PPM1B: variants seen among roughly 807,000 people sequenced by gnomAD.
PPM1B encodes the protein protein phosphatase, Mg2+/Mn2+ dependent 1B, also known as protein phosphatase 1B.
Under a neutral mutation model 43.0 loss-of-function variants are expected in PPM1B, and 22 were observed. The ratio of observed to expected loss-of-function variants is 0.51; its 90% CI spans 0.37 to 0.73. The LOEUF (loss-of-function observed/expected upper bound fraction) is 0.73, where lower values mean the gene tolerates loss of function less well. Among genes scored for constraint, PPM1B ranks in the 30% least tolerant of loss-of-function variants. PPM1B has a pLI of 0.00. For synonymous variants in PPM1B, 217 were observed against 197.9 expected, an observed-to-expected ratio of 1.10 and a Z score of -0.81; for missense variants, 632 against 584.2, an observed-to-expected ratio of 1.08 and a Z score of -0.84.
chr2:44,206,872 A>C (rs761436564), intron 2 of PPM1B, among the ~76,000 whole-genome samples: 1 of 152,144 alleles, frequency 6.6e-6, no homozygotes, highest in South Asian at 2.1e-4. Flanking sequence ...TGATTCTTGA[A>C]TATCCATGGT....
At chr2:44,231,707 A>T (rs992089674), downstream of PPM1B, among the ~76,000 whole-genome samples, 4 of 152,096 alleles carry the variant, frequency 2.6e-5, no homozygotes, top group African/African-American at 9.7e-5. Context: ...TTTGGACATT[A>T]TGGGCACACA....
At chr2:44,179,503 A>G (rs539603710) in intron 1 of PPM1B, among the ~76,000 whole-genome samples, 1 of 151,746 alleles carries the variant, frequency 6.6e-6, no homozygotes, top group African/African-American at 2.4e-5. Context: ...TCTTTTTTTT[A>G]ATCTAAGGAG....
At chr2:44,235,925 T>A (rs939910236), downstream of PPM1B, among the ~76,000 whole-genome samples, 1 of 151,746 alleles carries the variant, frequency 6.6e-6, no homozygotes, top group African/African-American at 2.4e-5. Context: ...TCTTTTATAT[T>A]AAAAAAAACT....
chr2:44,230,876 T>A lies in PPM1B; in HGVS notation c.*158T>A, dbSNP rs895887016. The A allele has an allele frequency of 2.2e-6, 3 of 1,381,082 alleles. No individual in the cohort carries two copies. The highest frequency in any genetic ancestry group is 5.4e-4 in the Middle Eastern group (2 of 3,728). 85.6% of individuals were successfully genotyped at this position (1,381,082 alleles called of 1,614,324 possible). On this transcript the variant is annotated 3_prime_UTR_variant, in exon 6 of 6. Transcript: ENST00000282412. ...TTTTAAAAAGGCCTTTGCATACACC[T>A]TTATGAGATAGTGTAAAATTGACTA...
intron 1 of PPM1B, among the ~76,000 whole-genome samples, chr2:44,188,907 T>G (rs1668269589): frequency 6.7e-6 from 1 of 148,448 alleles, no homozygotes; most frequent in Non-Finnish European, 1.5e-5. Flanking sequence ...GAGGTGCCAA[T>G]TTGGGTTTTT....
Position 44,170,220 on chromosome 2 carries a change from A to G in PPM1B, c.-15+946A>G, listed in dbSNP as rs147078378. Reference sequence around the variant, plus strand: ...GTTTGATAGCAGCCCAAATTCATCAATATTCAATTTCTTCTAAGAACAACT... The same window carrying G: ...GTTTGATAGCAGCCCAAATTCATCAGTATTCAATTTCTTCTAAGAACAACT... On this transcript the variant is annotated intron_variant, in intron 1 of 5. Transcript: ENST00000282412. 1.8e-3 allele frequency among the ~76,000 whole-genome samples: 270 copies of G among 152,344 alleles called. 1 individual carries two copies. The highest frequency in any genetic ancestry group is 6.2e-3 in the African/African-American group (256 of 41,566).
At chr2:44,202,534 A>G (rs1356981678) in intron 2 of PPM1B, among the ~76,000 whole-genome samples, 1 of 152,190 alleles carries the variant, frequency 6.6e-6, no homozygotes, top group Non-Finnish European at 1.5e-5. Context: ...TGGGTTGTAT[A>G]TTTCTCATTG....
chr2:44,202,336 G>A lies in PPM1B; in HGVS notation c.846+291G>A, dbSNP rs1023055353. Reference sequence around the variant, plus strand: ...CACAGAGTGACTTTTTCTTGACATTGGCAGTAACCATCTTATGCCTGATTA... The same window carrying A: ...CACAGAGTGACTTTTTCTTGACATTAGCAGTAACCATCTTATGCCTGATTA... On this transcript the variant is annotated intron_variant, in intron 2 of 5. Transcript: ENST00000282412. Among the ~76,000 whole-genome samples, 3 of 152,046 alleles carry A rather than the reference G, an allele frequency of 2.0e-5. No homozygotes were observed. In the East Asian group the frequency reaches 5.8e-4, roughly 29 times the overall value.
At chr2:44,234,639 C>T (rs1040519529), downstream of PPM1B, 3 of 983,206 alleles carry the variant, frequency 3.1e-6, no homozygotes, top group African/African-American at 1.8e-5. Flanking sequence ...AGTGTTGACT[C>T]ATCTGAATTT....
intron 2 of PPM1B, among the ~76,000 whole-genome samples, chr2:44,206,286 G>A (rs1271843459): frequency 6.6e-6 from 1 of 152,178 alleles, no homozygotes; most frequent in African/African-American, 2.4e-5. Flanking sequence ...ATACAAGGAT[G>A]TTTTGTCTCT....
At chr2:44,238,443 T>A (rs1027748100), downstream of PPM1B, among the ~76,000 whole-genome samples, 1 of 152,164 alleles carries the variant, frequency 6.6e-6, no homozygotes, top group Non-Finnish European at 1.5e-5. Context: ...GCCTCACGCC[T>A]GTAATCCCAG....
chr2:44,235,448 A>G (rs1670583379), downstream of PPM1B, among the ~76,000 whole-genome samples: 1 of 152,102 alleles, frequency 6.6e-6, no homozygotes, highest in Non-Finnish European at 1.5e-5. Flanking sequence ...TACTAAAAAT[A>G]CAAAATTAGC....
rs549592374 is a variant in PPM1B at position 44,239,902 on chromosome 2, T to G, written n.1547-4326T>G. On this transcript the variant is annotated intron_variant and non_coding_transcript_variant, in intron 5 of 5. Transcript: ENST00000378540. Reference sequence around the variant, plus strand: ...TTTTTTTGTTTTTGTTTTTGTTTTTTTTTTTTGTCTAACCCTGTGGAAATA... The same window carrying G: ...TTTTTTTGTTTTTGTTTTTGTTTTTGTTTTTTGTCTAACCCTGTGGAAATA... 1.1e-3 allele frequency among the ~76,000 whole-genome samples: 163 copies of G among 150,578 alleles called. 1 individual carries two copies. The highest frequency in any genetic ancestry group is 3.2e-3 in the South Asian group (15 of 4,722).
intron 3 of PPM1B, among the ~76,000 whole-genome samples, chr2:44,216,111 C>T (rs561295133): frequency 6.6e-6 from 1 of 152,124 alleles, no homozygotes; most frequent in African/African-American, 2.4e-5. Flanking sequence ...GTGATTTGTT[C>T]TTTTTTCCAA....
chr2:44,242,329 A>T (rs961903632), intron 5 of PPM1B, among the ~76,000 whole-genome samples: 4 of 152,192 alleles, frequency 2.6e-5, no homozygotes, highest in African/African-American at 9.6e-5. Context: ...CATGAAAATA[A>T]TACACATTAA....
chr2:44,219,772 C>T (rs1396713692), intron 5 of PPM1B, among the ~76,000 whole-genome samples: 1 of 151,980 alleles, frequency 6.6e-6, no homozygotes, highest in South Asian at 2.1e-4. Context: ...GGAGAAACCC[C>T]GTCTCTACTA....
intron 5 of PPM1B, among the ~76,000 whole-genome samples, chr2:44,220,973 A>G (rs1341157319): frequency 6.6e-6 from 1 of 152,194 alleles, no homozygotes; most frequent in African/African-American, 2.4e-5. Context: ...GAAAAATAAG[A>G]ATTTAGGTTG....
downstream of PPM1B, among the ~76,000 whole-genome samples, chr2:44,245,599 C>G (rs1426551737): frequency 6.6e-6 from 1 of 152,194 alleles, no homozygotes; most frequent in Non-Finnish European, 1.5e-5. Context: ...GAGAATAAAA[C>G]TACATCAGGT....
chr2:44,185,700 A>G (rs949912245), intron 1 of PPM1B, among the ~76,000 whole-genome samples: 1 of 152,072 alleles, frequency 6.6e-6, no homozygotes, highest in African/African-American at 2.4e-5. Context: ...GTAGAGCTAT[A>G]GTTTCCAGCT....
Sources: gnomAD v4.1 joint callset for allele counts (sites outside exome capture counted in the v4.1 genomes callset) on GRCh38, gnomAD v4.1.1 for gene constraint, MANE v1.5 for transcripts, NCBI Gene and HGNC (gene_info 2026-07-23, HGNC 2026-07-21) for gene names.